Variants in NRXN3 observed in about 807,000 individuals in gnomAD.
NRXN3 encodes neurexin 3.
NRXN3 carries 32 observed loss-of-function variants against 137.6 expected under a neutral mutation model. That is an observed-to-expected ratio of 0.23 (90% CI 0.18 to 0.31). The LOEUF is 0.31. Ranked by LOEUF, NRXN3 falls within the 10% of genes least tolerant of loss-of-function variation. The pLI, the probability that NRXN3 is intolerant of heterozygous loss-of-function variation, is 1.00. For synonymous variants in NRXN3, 798 were observed against 784.5 expected, an observed-to-expected ratio of 1.02 and a Z score of -0.29; for missense variants, 1,574 against 2,062.5, an observed-to-expected ratio of 0.76 and a Z score of 4.59.
intron 15 of NRXN3, among the ~76,000 whole-genome samples, chr14:78,997,386 GTTAC>G (rs1273192072): frequency 6.6e-6 from 1 of 152,154 alleles, no homozygotes; most frequent in African/African-American, 2.4e-5. Context: ...TCCTTGGCTA[GTTAC>G]TTACTTAAGG....
intron 15 of NRXN3, among the ~76,000 whole-genome samples, chr14:79,220,640 G>T (rs1296195391): frequency 1.3e-5 from 2 of 151,900 alleles, no homozygotes; most frequent in Non-Finnish European, 2.9e-5. Flanking sequence ...CCATAGTTTT[G>T]CATTTTCTAG....
intron 4 of NRXN3, among the ~76,000 whole-genome samples, chr14:78,532,562 C>G (rs1304831227): frequency 6.6e-6 from 1 of 151,976 alleles, no homozygotes; most frequent in Non-Finnish European, 1.5e-5. Context: ...AATTCATTCT[C>G]TCTCTCCACA....
intron 15 of NRXN3, among the ~76,000 whole-genome samples, chr14:79,347,698 G>T (rs2092965664): frequency 6.6e-6 from 1 of 152,192 alleles, no homozygotes; most frequent in Non-Finnish European, 1.5e-5. Flanking sequence ...TGGGATTACA[G>T]GCGTGAGCCA....
intron 10 of NRXN3, among the ~76,000 whole-genome samples, chr14:78,919,324 G>A (rs571491138): frequency 6.6e-6 from 1 of 152,118 alleles, no homozygotes; most frequent in African/African-American, 2.4e-5. Flanking sequence ...TTGAAATATG[G>A]CACCAAAACA....
intron 4 of NRXN3, among the ~76,000 whole-genome samples, chr14:78,514,174 A>G (rs962350824): frequency 6.6e-6 from 1 of 152,180 alleles, no homozygotes; most frequent in Non-Finnish European, 1.5e-5. Flanking sequence ...GGTTCTCTCT[A>G]GTAAACAGTT....
intron 15 of NRXN3, among the ~76,000 whole-genome samples, chr14:79,439,202 G>C (rs553028409): frequency 8.5e-5 from 13 of 152,342 alleles, no homozygotes; most frequent in Admixed American, 7.8e-4. Flanking sequence ...GTATACGTAT[G>C]TGTGATGAAA....
intron 4 of NRXN3, among the ~76,000 whole-genome samples, chr14:78,643,195 T>C (rs1218594671): frequency 6.6e-6 from 1 of 152,204 alleles, no homozygotes; most frequent in Non-Finnish European, 1.5e-5. Flanking sequence ...TGAAAAAATA[T>C]TCATTTTGCC....
chr14:79,790,615 C>CTTTTTTTTTT (rs34493154), intron 19 of NRXN3, among the ~76,000 whole-genome samples: 1 of 73,110 alleles, frequency 1.4e-5, no homozygotes, highest in Non-Finnish European at 2.5e-5. Context: ...GGCCCAGGCT[C>CTTTTTTTTTT]TTTTTTTTTT....
rs1208150593 is a variant in NRXN3 at position 78,173,995 on chromosome 14, G to A, written c.-704+3321G>A. On this transcript the variant is annotated intron_variant, in intron 1 of 20. Transcript: ENST00000335750. ...AGCCTCTTTTCCTCTCCGCAACCGC[G>A]GTCTTCTTTCTTCTCGCCATTATTC... is the stretch of plus-strand genomic sequence containing the variant. Among the ~76,000 whole-genome samples, 12 of 151,990 alleles carry A rather than the reference G, an allele frequency of 7.9e-5. No individual in the cohort carries two copies. In the East Asian group the frequency reaches 1.8e-3, roughly 22 times the overall value.
chr14:79,134,896 A>G (rs964008063), intron 15 of NRXN3, among the ~76,000 whole-genome samples: 1 of 152,204 alleles, frequency 6.6e-6, no homozygotes, highest in Non-Finnish European at 1.5e-5. Flanking sequence ...TTTTGTATGT[A>G]TGTGAAAAAT....
chr14:79,116,727 T>C (rs1221616327), intron 15 of NRXN3, among the ~76,000 whole-genome samples: 2 of 152,248 alleles, frequency 1.3e-5, no homozygotes, highest in Non-Finnish European at 2.9e-5. Context: ...GAAGTCATCA[T>C]TTCACATGCA....
At chr14:79,807,843 C>T (rs989655523) in intron 20 of NRXN3, among the ~76,000 whole-genome samples, 1 of 152,016 alleles carries the variant, frequency 6.6e-6, no homozygotes, top group African/African-American at 2.4e-5. Flanking sequence ...TAAAGTATTC[C>T]TGGTGAGTGA....
At chr14:79,710,976 T>C (rs1353069999) in intron 19 of NRXN3, among the ~76,000 whole-genome samples, 1 of 144,364 alleles carries the variant, frequency 6.9e-6, no homozygotes, top group South Asian at 2.1e-4. Context: ...TTTAGCATGC[T>C]GATTGGCTAG....
chr14:79,164,535 T>C (rs757076586), intron 15 of NRXN3, among the ~76,000 whole-genome samples: 5 of 152,008 alleles, frequency 3.3e-5, no homozygotes, highest in Admixed American at 6.6e-5. Context: ...GAGAAACTTC[T>C]GACATATTTT....
intron 1 of NRXN3, among the ~76,000 whole-genome samples, chr14:78,202,634 G>A (rs2061783303): frequency 6.6e-6 from 1 of 152,106 alleles, no homozygotes; most frequent in Non-Finnish European, 1.5e-5. Flanking sequence ...TGGCCAGGTG[G>A]GCTAAACAGA....
rs75347372 is a variant in NRXN3 at position 79,216,451 on chromosome 14, C to T, written c.3262+228310C>T. Reference sequence around the variant, plus strand: ...AGAAAGAATGAGCCTCACTTCTTTGCGCAGGAGAGTCAAGGTCACATTGCA... The same window carrying T: ...AGAAAGAATGAGCCTCACTTCTTTGTGCAGGAGAGTCAAGGTCACATTGCA... On this transcript the variant is annotated intron_variant, in intron 15 of 20. Coordinates refer to ENST00000335750, the MANE Select transcript of NRXN3 (RefSeq NM_001330195.2). Among the ~76,000 whole-genome samples the T allele has an allele frequency of 1.1e-4, 17 of 152,230 alleles. No homozygotes were observed. In the East Asian group the frequency reaches 2.1e-3, roughly 19 times the overall value.
At chr14:78,636,680 G>A (rs948637561) in intron 4 of NRXN3, among the ~76,000 whole-genome samples, 10 of 152,056 alleles carry the variant, frequency 6.6e-5, no homozygotes, top group African/African-American at 2.4e-4. Context: ...AATGAGAAAC[G>A]AATACTGAAA....
At chr14:79,759,196 C>CA in intron 19 of NRXN3, among the ~76,000 whole-genome samples, 2 of 151,832 alleles carry the variant, frequency 1.3e-5, no homozygotes, top group African/African-American at 4.9e-5. Context: ...TCTTTCAAGT[C>CA]AGAACTTCTT....
intron 15 of NRXN3, among the ~76,000 whole-genome samples, chr14:79,137,517 A>C (rs1330230707): frequency 1.3e-5 from 2 of 152,214 alleles, no homozygotes; most frequent in East Asian, 1.9e-4. Flanking sequence ...ATTAAAATCC[A>C]GCCACTTGTA....
Sources: allele counts gnomAD v4.1 joint callset (sites outside exome capture counted in the v4.1 genomes callset), GRCh38; gene constraint gnomAD v4.1.1; transcripts MANE v1.5; gene names NCBI Gene and HGNC (gene_info 2026-07-23, HGNC 2026-07-21).